Variants in SENP7 observed in about 807,000 individuals in gnomAD.
SENP7 encodes SUMO specific peptidase 7, also known as sentrin-specific protease 7.
Under a neutral mutation model 141.2 loss-of-function variants are expected in SENP7, and 64 were observed. The ratio of observed to expected loss-of-function variants is 0.45; its 90% CI spans 0.37 to 0.56. SENP7 has a LOEUF of 0.56. Ranked by LOEUF, SENP7 falls within the 20% of genes least tolerant of loss-of-function variation. The pLI, the probability that SENP7 is intolerant of heterozygous loss-of-function variation, is 0.00. For synonymous variants in SENP7, 382 were observed against 426.4 expected (o/e 0.90, Z 1.28); for missense variants, 1,025 against 1,212.2 (o/e 0.85, Z 2.29).
chr3:101,487,137 A>G (rs2064762245), intron 3 of SENP7, among the ~76,000 whole-genome samples: 1 of 152,176 alleles, frequency 6.6e-6, no homozygotes, highest in South Asian at 2.1e-4. Flanking sequence ...TAATAGACCT[A>G]AGAAATGAAA....
At chr3:101,474,151 T>C (rs1296364001) in intron 3 of SENP7, among the ~76,000 whole-genome samples, 1 of 152,224 alleles carries the variant, frequency 6.6e-6, no homozygotes, top group Non-Finnish European at 1.5e-5. Flanking sequence ...TTCTTTTTGC[T>C]TAGGATTGCC....
chr3:101,513,000 G>A, intron 1 of SENP7, 91 bp downstream of exon 1: 1 of 1,448,604 alleles, frequency 6.9e-7, no homozygotes, highest in African/African-American at 1.4e-5. Context: ...CGCCCCCGCG[G>A]CTTCGGGCCG....
chr3:101,508,728 C>T lies in SENP7; in HGVS notation c.40+4363G>A, dbSNP rs563876913. ...CACTGCCACTAAATCCACTCTTTGC[C>T]CTTATATCTTGCCACACCCTTTAAG... On this transcript the variant is annotated intron_variant, in intron 1 of 23. Transcript: ENST00000394095. Among the ~76,000 whole-genome samples, 3 of 152,206 alleles carry T rather than the reference C, an allele frequency of 2.0e-5. No individual in the cohort carries two copies. The South Asian group carries it at 6.2e-4, about 32-fold the overall frequency.
chr3:101,448,976 G>GA (rs1326591609), intron 4 of SENP7, among the ~76,000 whole-genome samples: 5 of 151,898 alleles, frequency 3.3e-5, no homozygotes, highest in African/African-American at 9.7e-5. Context: ...TAAAAACCTT[G>GA]AAAAAAAATT....
At chr3:101,453,428 G>T (rs1263525894) in intron 4 of SENP7, among the ~76,000 whole-genome samples, 1 of 152,146 alleles carries the variant, frequency 6.6e-6, no homozygotes, top group Non-Finnish European at 1.5e-5. Flanking sequence ...TATGTTTATT[G>T]CAGCACTATT....
At chr3:101,341,415 C>A (rs2059322697) in intron 15 of SENP7, among the ~76,000 whole-genome samples, 1 of 152,156 alleles carries the variant, frequency 6.6e-6, no homozygotes, top group African/African-American at 2.4e-5. Context: ...CCAAATATGA[C>A]ACTTTGTCTG....
chr3:101,390,535 A>C (rs548219092), intron 6 of SENP7, among the ~76,000 whole-genome samples: 2 of 152,326 alleles, frequency 1.3e-5, no homozygotes, highest in East Asian at 3.9e-4. Context: ...AATGATAAAG[A>C]GATAAGCTAA....
intron 3 of SENP7, among the ~76,000 whole-genome samples, chr3:101,477,253 C>T (rs913581236): frequency 1.3e-5 from 2 of 151,556 alleles, no homozygotes; most frequent in Non-Finnish European, 2.9e-5. Context: ...CCTTTGCAGA[C>T]CACAATGGAA....
Position 101,325,902 on chromosome 3 carries a change from G to A in SENP7, c.*41C>T. ...ACAAATGCTGGTAAGAGGCTTTCCAGTAATCTTAGAGAACATCTGTGTCAT... is the reference window on the plus strand; with the variant it reads ...ACAAATGCTGGTAAGAGGCTTTCCAATAATCTTAGAGAACATCTGTGTCAT... On this transcript the variant is annotated 3_prime_UTR_variant, in exon 24 of 24. Coordinates refer to ENST00000394095, the MANE Select transcript of SENP7 (RefSeq NM_020654.5). 6.6e-7 allele frequency: 1 copy of A among 1,520,628 alleles called. No homozygotes were observed. The highest frequency in any genetic ancestry group is 8.8e-7 in the Non-Finnish European group (1 of 1,134,326). The allele number at this position is 1,520,628 out of a possible 1,614,324, so 94.2% of individuals were successfully genotyped here. A position where few individuals can be genotyped will look rare whatever the true frequency, so the allele number is the denominator to read the frequency against.
intron 22 of SENP7, among the ~76,000 whole-genome samples, chr3:101,328,109 C>G (rs1389782628): frequency 6.6e-6 from 1 of 152,012 alleles, no homozygotes; most frequent in African/African-American, 2.4e-5. Context: ...TAGTTTTTTC[C>G]AAGTACTACA....
chr3:101,503,979 A>C (rs2065490453), intron 1 of SENP7, among the ~76,000 whole-genome samples: 2 of 152,024 alleles, frequency 1.3e-5, no homozygotes, highest in African/African-American at 4.8e-5. Context: ...TGAACTATAC[A>C]CTAAAGATAT....
Position 101,442,396 on chromosome 3 carries a change from A to G in SENP7, c.284+16559T>C, listed in dbSNP as rs573756421. The stretch of plus-strand genomic sequence containing the variant: ...CATGAGATTCTCACTAGGAACATGC[A>G]ACCTAGGTCGCCTGCATGCACAGTT... On this transcript the variant is annotated intron_variant, in intron 4 of 23. Coordinates refer to ENST00000394095, the MANE Select transcript of SENP7 (RefSeq NM_020654.5). Among the ~76,000 whole-genome samples, 34 of 152,282 alleles carry G rather than the reference A, an allele frequency of 2.2e-4. No homozygotes were observed. In the South Asian group the frequency reaches 6.4e-3, roughly 29 times the overall value.
rs142397756 is a variant in SENP7, at chr3:101,446,517, C to T, written c.284+12438G>A. Among the ~76,000 whole-genome samples the T allele has an allele frequency of 7.6e-3, 1,162 of 152,216 alleles. 7 individuals are homozygous for T. Among genetic ancestry groups the T allele is most frequent in the Non-Finnish European group, 0.011 (780 of 68,012 alleles). On this transcript the variant is annotated intron_variant, in intron 4 of 23. Coordinates refer to ENST00000394095, the MANE Select transcript of SENP7 (RefSeq NM_020654.5). Reference sequence around the variant, plus strand: ...CTCCAGGGCAGATCCTATGAAAGGACACAAAACAAATCTCAATAATTTTTT... The same window carrying T: ...CTCCAGGGCAGATCCTATGAAAGGATACAAAACAAATCTCAATAATTTTTT...
intron 3 of SENP7, among the ~76,000 whole-genome samples, chr3:101,463,996 T>C (rs1440721277): frequency 6.6e-6 from 1 of 152,006 alleles, no homozygotes; most frequent in East Asian, 1.9e-4. Flanking sequence ...AGCTAATTTT[T>C]TGTATTTTTA....
Position 101,506,019 on chromosome 3 carries a change from A to ATTTTTT in SENP7, c.41-4901_41-4900insAAAAAA, listed in dbSNP as rs143265103. On this transcript the variant is annotated intron_variant, in intron 1 of 23. Transcript: ENST00000394095. The stretch of plus-strand genomic sequence containing the variant: ...CCACTCATTCACTTATTTATTCCAT[A>ATTTTTT]ATTTTTTTTTTTTTTTTTTGAGACG... Among the ~76,000 whole-genome samples, 331 of 142,136 alleles carry ATTTTTT rather than the reference A, an allele frequency of 2.3e-3. 4 individuals are homozygous for ATTTTTT. Among genetic ancestry groups the ATTTTTT allele is most frequent in the Non-Finnish European group, 3.5e-3 (233 of 66,102 alleles). 93.2% of individuals were successfully genotyped at this position (142,136 alleles called of 152,430 possible).
chr3:101,482,952 A>T (rs1474930498), intron 3 of SENP7, among the ~76,000 whole-genome samples: 4 of 152,144 alleles, frequency 2.6e-5, no homozygotes, highest in African/African-American at 9.7e-5. Flanking sequence ...AACAACAACG[A>T]ATGCTGGCAA....
chr3:101,340,662 T>C (rs966119357), intron 15 of SENP7, among the ~76,000 whole-genome samples: 3 of 152,176 alleles, frequency 2.0e-5, no homozygotes, highest in African/African-American at 7.2e-5. Flanking sequence ...TGTGCTCTGC[T>C]CCTGGTGGCT....
At chr3:101,463,822 A>G (rs1368783717) in intron 3 of SENP7, among the ~76,000 whole-genome samples, 1 of 152,018 alleles carries the variant, frequency 6.6e-6, no homozygotes, top group Non-Finnish European at 1.5e-5. Flanking sequence ...GTATTTATTC[A>G]TTCATTTATT....
rs59964136 is a variant in SENP7, at chr3:101,426,483, A to ATT, written c.285-8695_285-8694dup. Among the ~76,000 whole-genome samples the ATT allele has an allele frequency of 7.1e-4, 102 of 143,170 alleles. 1 individual carries two copies. Among genetic ancestry groups the ATT allele is most frequent in the East Asian group, 3.0e-3 (15 of 4,998 alleles). 93.9% of individuals were successfully genotyped at this position (143,170 alleles called of 152,430 possible). On this transcript the variant is annotated intron_variant, in intron 4 of 23. Transcript: ENST00000394095. ...GCTTCATAAGTGAAGGAGAAATAAG[A>ATT]TTTTTTTTTTTTTTTAGATAGAGTC...
Sources: allele counts gnomAD v4.1 joint callset (sites outside exome capture counted in the v4.1 genomes callset), GRCh38; gene constraint gnomAD v4.1.1; transcripts MANE v1.5; gene names NCBI Gene and HGNC (gene_info 2026-07-23, HGNC 2026-07-21).